Variants in COLGALT1 observed in about 807,000 individuals in gnomAD.
COLGALT1 encodes the protein collagen beta(1-O)galactosyltransferase 1, also known as procollagen galactosyltransferase 1.
Under a neutral mutation model 60.8 loss-of-function variants are expected in COLGALT1, and 43 were observed. That is an observed-to-expected ratio of 0.71 (90% CI 0.55 to 0.91). The LOEUF is 0.91. COLGALT1 is among the 40% of genes least tolerant of loss of function. COLGALT1 has a pLI of 0.00. For missense variants in COLGALT1, 845 were observed against 880.0 expected, an observed-to-expected ratio of 0.96 and a Z score of 0.50; for synonymous variants, 369 against 374.2, an observed-to-expected ratio of 0.99 and a Z score of 0.16.
chr19:17,572,716 G>C (rs966080523), intron 6 of COLGALT1, 114 bp downstream of exon 6: 5 of 1,473,028 alleles, frequency 3.4e-6, no homozygotes, highest in African/African-American at 2.8e-5. Flanking sequence ...AGTCCCTGTG[G>C]GGGGTGCTGG....
chr19:17,577,582 T>A, intron 8 of COLGALT1, 115 bp downstream of exon 8: 1 of 975,052 alleles, frequency 1.0e-6, no homozygotes, highest in Non-Finnish European at 1.5e-6. Context: ...CAAACAGATG[T>A]AGACCTCGTC....
intron 3 of COLGALT1, among the ~76,000 whole-genome samples, chr19:17,564,274 T>C (rs1463058845): frequency 6.6e-6 from 1 of 151,448 alleles, no homozygotes; most frequent in Non-Finnish European, 1.5e-5. Context: ...TATGTGTGTG[T>C]GTATGTGTGT....
chr19:17,568,427 C>T, intron 4 of COLGALT1, 82 bp from the exon 5 acceptor site: 2 of 1,235,878 alleles, frequency 1.6e-6, no homozygotes, highest in East Asian at 2.3e-5. Context: ...CTGTCTGGTC[C>T]TGTTTCATGC....
chr19:17,580,550 G>A, intron 10 of COLGALT1, 149 bp from the exon 11 acceptor site: 1 of 731,410 alleles, frequency 1.4e-6, no homozygotes. Context: ...CTGGGCTCCT[G>A]CATTCACTCC....
At chr19:17,579,364 C>A in intron 9 of COLGALT1, 118 bp from the exon 10 acceptor site, 1 of 1,349,278 alleles carries the variant, frequency 7.4e-7, no homozygotes, top group Non-Finnish European at 1.0e-6. Context: ...CTAGGAGAGG[C>A]AGGGAGATGC....
chr19:17,582,069 T>A lies in COLGALT1; in HGVS notation c.*625T>A, dbSNP rs1380378252. ...GACTATAGGTGCGTGCCATCACATCTGGCTAGTTTTTGTATTTTTAGTAGA... is the reference window on the plus strand; with the variant it reads ...GACTATAGGTGCGTGCCATCACATCAGGCTAGTTTTTGTATTTTTAGTAGA... On this transcript the variant is annotated 3_prime_UTR_variant, in exon 12 of 12. Transcript: ENST00000252599. 1.3e-5 allele frequency: 2 copies of A among 153,172 alleles called. No homozygotes were observed. The highest frequency in any genetic ancestry group is 2.9e-5 in the Non-Finnish European group (2 of 68,812). 9.5% of individuals were successfully genotyped at this position (153,172 alleles called of 1,614,324 possible).
In COLGALT1 at chr19:17,555,739, G is replaced by T; in HGVS notation, c.26G>T (p.Arg9Leu). 1 of 1,205,940 alleles carries T rather than the reference G, an allele frequency of 8.3e-7. No individual in the cohort carries two copies. The highest frequency in any genetic ancestry group is 4.2e-5 in the South Asian group (1 of 24,050). 74.7% of individuals were successfully genotyped at this position (1,205,940 alleles called of 1,614,324 possible). A position where few individuals can be genotyped will look rare whatever the true frequency, so the allele number is the denominator to read the frequency against. Residue 9 changes from arginine (R) to leucine (L), a missense_variant, in exon 1 of 12, where the codon CGG becomes CTG. Transcript: ENST00000252599. MAAAPRAG[R>L]RRGQPLLALL... Reference sequence around the variant, plus strand: ...ATGGCGGCGGCCCCACGCGCGGGCCGGCGGCGCGGGCAGCCGCTCCTGGCG... The same window carrying T: ...ATGGCGGCGGCCCCACGCGCGGGCCTGCGGCGCGGGCAGCCGCTCCTGGCG...
chr19:17,562,432 G>A (rs543717548), intron 3 of COLGALT1, among the ~76,000 whole-genome samples: 6 of 152,258 alleles, frequency 3.9e-5, no homozygotes, highest in African/African-American at 1.4e-4. Context: ...AGTGGCTGAG[G>A]CAAGTGGATT....
intron 10 of COLGALT1, chr19:17,580,014 G>A: frequency 4.9e-6 from 1 of 205,126 alleles, no homozygotes; most frequent in Non-Finnish European, 1.0e-5. Context: ...CCGGAAGCCT[G>A]CAGGCTTGGT....
Position 17,577,394 on chromosome 19 carries a change from C to T in COLGALT1, c.1060C>T (p.Arg354Trp). The T allele has an allele frequency of 6.4e-7, 1 of 1,574,300 alleles. No individual in the cohort carries two copies. The highest frequency in any genetic ancestry group is 8.6e-7 in the Non-Finnish European group (1 of 1,163,942). The change falls in exon 8 of 12, where the codon CGG becomes TGG. Residue 354 changes from arginine to tryptophan, a missense_variant. Arg to Trp is a moderately radical substitution (Grantham distance 101). Transcript: ENST00000252599. ...GATCAACCTGAGGCGGCGGCAGGAC[C>T]GGCGGGAGCGCATGCTGCGGGCGCT... ...FMINLRRRQD[R>W]RERMLRALQA...
chr19:17,574,082 G>A (rs540878844), intron 6 of COLGALT1, among the ~76,000 whole-genome samples: 2 of 152,072 alleles, frequency 1.3e-5, no homozygotes, highest in African/African-American at 4.8e-5. Context: ...CTGTAATTGA[G>A]GTTGTCTAGG....
intron 6 of COLGALT1, among the ~76,000 whole-genome samples, chr19:17,575,579 G>C (rs1568480167): frequency 2.0e-5 from 3 of 151,556 alleles, no homozygotes; most frequent in Non-Finnish European, 4.4e-5. Flanking sequence ...CAGGGTTTCA[G>C]TATGTTGGCC....
At chr19:17,576,511 C>T (rs2076341055) in intron 6 of COLGALT1, among the ~76,000 whole-genome samples, 1 of 150,874 alleles carries the variant, frequency 6.6e-6, no homozygotes, top group Middle Eastern at 3.4e-3. Flanking sequence ...GTGGCCAGGG[C>T]TTAGAGGCAG....
chr19:17,558,235 G>A lies in COLGALT1; in HGVS notation c.261-1076G>A, dbSNP rs539894978. 2.2e-3 allele frequency among the ~76,000 whole-genome samples: 326 copies of A among 150,098 alleles called. 1 individual carries two copies. Among genetic ancestry groups the A allele is most frequent in the African/African-American group, 7.4e-3 (301 of 40,936 alleles). On this transcript the variant is annotated intron_variant, in intron 1 of 11. Coordinates refer to ENST00000252599, the MANE Select transcript of COLGALT1 (RefSeq NM_024656.4). ...ATTACAAGCGTGAGCCACCATGCCCGGCCTAATTTTTGTATTTTTAGTAGA... is the reference window on the plus strand; with the variant it reads ...ATTACAAGCGTGAGCCACCATGCCCAGCCTAATTTTTGTATTTTTAGTAGA...
chr19:17,581,001 C>G lies in COLGALT1; in HGVS notation c.1601+96C>G, dbSNP rs1017424368. ...ACTCACGGCCTCCGAGAAGATGTCT[C>G]TTCTTTTGCCTACTTCTCCCTCCGT... On this transcript the variant is annotated intron_variant, in intron 11 of 11. Transcript: ENST00000252599. The G allele has an allele frequency of 6.8e-6, 10 of 1,478,236 alleles. No individual in the cohort carries two copies. The Admixed American group carries it at 7.2e-5, about 11-fold the overall frequency. The allele number at this position is 1,478,236 out of a possible 1,614,324, so 91.6% of individuals were successfully genotyped here. A position where few individuals can be genotyped will look rare whatever the true frequency, so the allele number is the denominator to read the frequency against.
At position 17,560,484 on chromosome 19, in the gene COLGALT1, C is replaced by T. The variant is rs780062849; in HGVS notation, c.489+19C>T. ...CATCCTGGTAAGTTTCTCAGCCGGCCGGATATGGATCACAGGCAGGTCTGG... is the reference window on the plus strand; with the variant it reads ...CATCCTGGTAAGTTTCTCAGCCGGCTGGATATGGATCACAGGCAGGTCTGG... On this transcript the variant is annotated intron_variant, in intron 3 of 11. Transcript: ENST00000252599. 8.8e-6 allele frequency: 14 copies of T among 1,598,242 alleles called. No homozygotes were observed. Among genetic ancestry groups the T allele is most frequent in the East Asian group, 6.7e-5 (3 of 44,804 alleles).
Sources: allele counts gnomAD v4.1 joint callset (sites outside exome capture counted in the v4.1 genomes callset), GRCh38; gene constraint gnomAD v4.1.1; transcripts MANE v1.5; gene names NCBI Gene and HGNC (gene_info 2026-07-23, HGNC 2026-07-21).